The following SYNE2 variants were observed in gnomAD, a reference collection of about 807,000 sequenced individuals.
The protein encoded by SYNE2 is nesprin-2.
SYNE2 carries 431 observed loss-of-function variants against 856.3 expected under a neutral mutation model. The observed-to-expected ratio is 0.50, with a 90% CI of 0.47 to 0.55. The LOEUF (loss-of-function observed/expected upper bound fraction) is 0.55. Ranked by LOEUF, SYNE2 falls within the 20% of genes least tolerant of loss-of-function variation. The pLI is 0.00. For synonymous variants in SYNE2, 2,923 were observed against 2,872.3 expected (o/e 1.02, Z -0.56); for missense variants, 8,129 against 8,023.2 (o/e 1.01, Z -0.50).
intron 45 of SYNE2, among the ~76,000 whole-genome samples, chr14:64,044,430 C>A (rs2097171076): frequency 6.6e-6 from 1 of 152,124 alleles, no homozygotes; most frequent in Non-Finnish European, 1.5e-5. Context: ...CTTGCTTTGT[C>A]TCAGATTACA....
At chr14:63,923,732 A>G (rs1234019192) in intron 2 of SYNE2, among the ~76,000 whole-genome samples, 1 of 152,126 alleles carries the variant, frequency 6.6e-6, no homozygotes, top group Non-Finnish European at 1.5e-5. Context: ...CAATTCACCC[A>G]TTTAAAGCAT....
At chr14:63,885,506 G>T (rs138293197) in intron 1 of SYNE2, among the ~76,000 whole-genome samples, 391 of 152,194 alleles carry the variant, frequency 2.6e-3, no homozygotes, top group African/African-American at 9.0e-3. Context: ...TGTTTCCTAT[G>T]TTTTTTCCAA....
At chr14:63,772,043 T>A (rs1012746835) in intron 1 of SYNE2, among the ~76,000 whole-genome samples, 4 of 152,104 alleles carry the variant, frequency 2.6e-5, no homozygotes, top group Admixed American at 1.3e-4. Flanking sequence ...ATATAGAGCA[T>A]GATTCCATTA....
At chr14:63,924,690 T>G (rs2095638650) in intron 2 of SYNE2, among the ~76,000 whole-genome samples, 1 of 152,158 alleles carries the variant, frequency 6.6e-6, no homozygotes. Context: ...TACAATTAAT[T>G]TTTGTATATT....
intron 16 of SYNE2, 85 bp downstream of exon 16, chr14:63,981,258 A>G (rs931745206): frequency 2.4e-6 from 3 of 1,231,450 alleles, no homozygotes; most frequent in Non-Finnish European, 3.6e-6. Context: ...AAAGATGAGA[A>G]AACAGAGAAG....
intron 65 of SYNE2, among the ~76,000 whole-genome samples, chr14:64,112,237 G>A (rs931701011): frequency 1.3e-5 from 2 of 152,156 alleles, no homozygotes; most frequent in African/African-American, 2.4e-5. Flanking sequence ...ATTTGCAATC[G>A]ATTCCCATTC....
chr14:64,037,237 T>A (rs956908684), intron 45 of SYNE2, among the ~76,000 whole-genome samples: 1 of 151,362 alleles, frequency 6.6e-6, no homozygotes, highest in Non-Finnish European at 1.5e-5. Flanking sequence ...GATAAACAAG[T>A]GAACAAAGGT....
intron 2 of SYNE2, among the ~76,000 whole-genome samples, chr14:63,930,988 T>C (rs577817972): frequency 6.6e-6 from 1 of 152,244 alleles, no homozygotes; most frequent in Admixed American, 6.5e-5. Context: ...GTGATTGGCA[T>C]CTGAAGTAGG....
At chr14:64,058,912 A>G (rs1217098608) in intron 49 of SYNE2, among the ~76,000 whole-genome samples, 1 of 151,730 alleles carries the variant, frequency 6.6e-6, no homozygotes, top group African/African-American at 2.4e-5. Flanking sequence ...AAGCTTAGTA[A>G]TTCTTTCTTC....
intron 83 of SYNE2, among the ~76,000 whole-genome samples, chr14:64,144,379 A>G (rs1160208390): frequency 5.3e-5 from 8 of 152,214 alleles, no homozygotes; most frequent in Admixed American, 1.3e-4. Flanking sequence ...AAGATTCGGA[A>G]AACTTATTCC....
intron 78 of SYNE2, among the ~76,000 whole-genome samples, chr14:64,134,988 A>T (rs2098072202): frequency 7.0e-6 from 1 of 143,792 alleles, no homozygotes; most frequent in Non-Finnish European, 1.5e-5. Flanking sequence ...CTCCATCTCA[A>T]AACAAAAAAA....
chr14:64,113,154 G>A (rs1320200378), intron 65 of SYNE2, 187 bp from the exon 66 acceptor site: 1 of 985,250 alleles, frequency 1.0e-6, no homozygotes, highest in Non-Finnish European at 1.2e-6. Flanking sequence ...TCGGCTGCTT[G>A]GAAACCTGTG....
At chr14:63,825,944 T>C (rs1023112290) in intron 1 of SYNE2, among the ~76,000 whole-genome samples, 33 of 152,180 alleles carry the variant, frequency 2.2e-4, no homozygotes, top group Non-Finnish European at 7.3e-5. Context: ...CTGGAATACT[T>C]AACATTGTTT....
At chr14:64,142,882 A>T (rs1595807697) in intron 82 of SYNE2, among the ~76,000 whole-genome samples, 1 of 152,260 alleles carries the variant, frequency 6.6e-6, no homozygotes, top group African/African-American at 2.4e-5. Flanking sequence ...AGCCACATGC[A>T]AACGTGTATT....
intron 54 of SYNE2, among the ~76,000 whole-genome samples, chr14:64,077,007 A>G (rs1226693279): frequency 5.9e-5 from 9 of 152,208 alleles, no homozygotes; most frequent in Non-Finnish European, 1.0e-4. Context: ...AAAATACTAA[A>G]TATTTTGAGA....
chr14:64,182,424 G>A lies in SYNE2; in HGVS notation c.17557-4000G>A, dbSNP rs113144073. Among the ~76,000 whole-genome samples the A allele has an allele frequency of 9.9e-5, 15 of 151,600 alleles. 1 individual carries two copies. The highest frequency in any genetic ancestry group is 3.1e-4 in the African/African-American group (13 of 41,290). ...ATTTATTTATATTGATCATTCTTGGGTGTTTCTCGCAGAGGGGGATTTGGC... is the reference window on the plus strand; with the variant it reads ...ATTTATTTATATTGATCATTCTTGGATGTTTCTCGCAGAGGGGGATTTGGC... On this transcript the variant is annotated intron_variant, in intron 96 of 115. Coordinates refer to ENST00000555002, the MANE Select transcript of SYNE2 (RefSeq NM_182914.3).
At chr14:64,180,433 CT>C (rs2098452587) in intron 96 of SYNE2, among the ~76,000 whole-genome samples, 2 of 151,576 alleles carry the variant, frequency 1.3e-5, no homozygotes. Context: ...AGTATTCCTG[CT>C]CATGCTCATG....
chr14:63,803,391 A>G (rs1420962763), intron 1 of SYNE2, among the ~76,000 whole-genome samples: 1 of 152,220 alleles, frequency 6.6e-6, no homozygotes, highest in East Asian at 1.9e-4. Context: ...GGCGGGCTGC[A>G]GGTCCCGAGC....
intron 99 of SYNE2, among the ~76,000 whole-genome samples, chr14:64,199,867 T>C (rs1281033544): frequency 1.3e-5 from 2 of 152,204 alleles, no homozygotes; most frequent in Non-Finnish European, 2.9e-5. Flanking sequence ...TTTAAAAGAA[T>C]GGGATGACAG....
Sources: gnomAD v4.1 joint callset for allele counts (sites outside exome capture counted in the v4.1 genomes callset) on GRCh38, gnomAD v4.1.1 for gene constraint, MANE v1.5 for transcripts, NCBI Gene and HGNC (gene_info 2026-07-23, HGNC 2026-07-21) for gene names.